The following BBS9 variants were observed in gnomAD, a reference collection of about 807,000 sequenced individuals.
BBS9 encodes Bardet-Biedl syndrome 9, also known as protein PTHB1.
A neutral mutation model predicts 117.7 loss-of-function variants in BBS9; 89 were observed. The observed-to-expected ratio is 0.76, with a 90% confidence interval of 0.64 to 0.90. The LOEUF is 0.90. BBS9 is among the 40% of genes least tolerant of loss of function. BBS9 has a pLI of 0.00. For synonymous variants in BBS9, 379 were observed against 370.9 expected, an observed-to-expected ratio of 1.02 and a Z score of -0.25; for missense variants, 982 against 1,042.2, an observed-to-expected ratio of 0.94 and a Z score of 0.80.
chr7:33,252,661 A>C (rs1796396331), intron 5 of BBS9, among the ~76,000 whole-genome samples: 1 of 152,022 alleles, frequency 6.6e-6, no homozygotes. Flanking sequence ...TGAAATGAAC[A>C]CAAATTTTAT....
chr7:33,239,155 C>T (rs1794042614), intron 5 of BBS9, among the ~76,000 whole-genome samples: 1 of 151,954 alleles, frequency 6.6e-6, no homozygotes, highest in African/African-American at 2.4e-5. Context: ...TTTAAAAGTT[C>T]CTAATCTTCA....
At chr7:33,322,196 T>G (rs1004084555) in intron 9 of BBS9, among the ~76,000 whole-genome samples, 3 of 151,998 alleles carry the variant, frequency 2.0e-5, no homozygotes, top group Admixed American at 2.0e-4. Flanking sequence ...TTTTGATGTG[T>G]TTTTGCTTTA....
At chr7:33,409,223 C>T (rs777404561) in intron 19 of BBS9, among the ~76,000 whole-genome samples, 12 of 152,168 alleles carry the variant, frequency 7.9e-5, no homozygotes, top group East Asian at 1.9e-4. Flanking sequence ...GGCATAAATT[C>T]GTTGCCACAG....
chr7:33,150,466 G>A (rs1379748302), intron 2 of BBS9, among the ~76,000 whole-genome samples: 1 of 152,174 alleles, frequency 6.6e-6, no homozygotes, highest in Non-Finnish European at 1.5e-5. Flanking sequence ...TTGATTAATT[G>A]TTCTGTTACA....
chr7:33,521,824 C>T (rs1462704432), intron 20 of BBS9, among the ~76,000 whole-genome samples: 1 of 151,284 alleles, frequency 6.6e-6, no homozygotes, highest in African/African-American at 2.4e-5. Flanking sequence ...TATACATGTG[C>T]CATGCTGGTG....
At chr7:33,403,977 GT>G (rs1456759838) in intron 19 of BBS9, among the ~76,000 whole-genome samples, 2 of 152,148 alleles carry the variant, frequency 1.3e-5, no homozygotes, top group African/African-American at 4.8e-5. Context: ...TCCAGCACCT[GT>G]TGTTTCCTGA....
At position 33,605,564 on chromosome 7, in the gene BBS9, C is replaced by A. The variant is rs1864474328; in HGVS notation, c.*338C>A. 1 of 322,680 alleles carries A rather than the reference C, an allele frequency of 3.1e-6. No individual in the cohort carries two copies. Among genetic ancestry groups the A allele is most frequent in the Non-Finnish European group, 5.8e-6 (1 of 171,868 alleles). 20.0% of individuals were successfully genotyped at this position (322,680 alleles called of 1,614,324 possible). A position where few individuals can be genotyped will look rare whatever the true frequency, so the allele number is the denominator to read the frequency against. On this transcript the variant is annotated 3_prime_UTR_variant, in exon 23 of 23. Transcript: ENST00000242067. ...ATTCAGATCCAAAATAATTTCATAC[C>A]CCATTTTTTCACAGAATTCTTATAT...
Position 33,534,052 on chromosome 7 carries a change from G to T in BBS9, c.2397G>T (p.Leu799=), listed in dbSNP as rs762435424. The change falls in exon 21 of 23, where the codon CTG becomes CTT. Residue 799 remains leucine (L), a synonymous_variant. Coordinates refer to ENST00000242067, the MANE Select transcript of BBS9 (RefSeq NM_198428.3). ...AGGCTTTGAACCTCAACAGCCAGCT[G>T]AACATACCCAAAGACACAAGCCAAC... is the stretch of plus-strand genomic sequence containing the variant. The part of the protein sequence containing the change: ...KEQALNLNSQ[L]NIPKDTSQLK... 1 of 1,614,184 alleles carries T rather than the reference G, an allele frequency of 6.2e-7. No homozygotes were observed.
At chr7:33,386,375 T>G (rs894750012) in intron 18 of BBS9, among the ~76,000 whole-genome samples, 2 of 152,086 alleles carry the variant, frequency 1.3e-5, no homozygotes, top group African/African-American at 4.8e-5. Context: ...ATTACTGTTT[T>G]GTAAAGTTGA....
intron 20 of BBS9, among the ~76,000 whole-genome samples, chr7:33,518,671 A>G (rs1416453758): frequency 6.6e-6 from 1 of 152,224 alleles, no homozygotes; most frequent in Non-Finnish European, 1.5e-5. Flanking sequence ...TTGGCTCTAA[A>G]TAAATATTTT....
At chr7:33,311,491 T>C (rs1293260054) in intron 9 of BBS9, among the ~76,000 whole-genome samples, 5 of 152,208 alleles carry the variant, frequency 3.3e-5, no homozygotes, top group East Asian at 1.9e-4. Flanking sequence ...TTGTGACTTA[T>C]CTCTCACTCT....
intron 5 of BBS9, among the ~76,000 whole-genome samples, chr7:33,216,537 T>C (rs957568184): frequency 6.6e-6 from 1 of 152,226 alleles, no homozygotes; most frequent in African/African-American, 2.4e-5. Flanking sequence ...AAACATTTCC[T>C]GATCTTTTAA....
Position 33,218,764 on chromosome 7 carries a change from T to C in BBS9, c.443-38472T>C, listed in dbSNP as rs565474086. 1.7e-3 allele frequency among the ~76,000 whole-genome samples: 265 copies of C among 152,392 alleles called. 1 individual carries two copies. The highest frequency in any genetic ancestry group is 6.1e-3 in the African/African-American group (252 of 41,598). On this transcript the variant is annotated intron_variant, in intron 5 of 22. Transcript: ENST00000242067. ...TTGTGTTGGTGATTGACACATCTTA[T>C]GTAATCAACTGTTATCAGTTGAAGG...
intron 12 of BBS9, among the ~76,000 whole-genome samples, chr7:33,347,450 T>C (rs1273882855): frequency 6.6e-6 from 1 of 152,016 alleles, no homozygotes; most frequent in Non-Finnish European, 1.5e-5. Context: ...ATGTTTACAA[T>C]GGCCAGACAT....
At chr7:33,510,950 A>G (rs778877226) in intron 20 of BBS9, among the ~76,000 whole-genome samples, 3 of 152,214 alleles carry the variant, frequency 2.0e-5, no homozygotes, top group Non-Finnish European at 4.4e-5. Context: ...CCTATTTGTG[A>G]TATCCTAGGT....
intron 21 of BBS9, among the ~76,000 whole-genome samples, chr7:33,539,236 G>A (rs991186): frequency 0.46 from 70,284 of 152,042 alleles, 16,881 homozygotes; most frequent in South Asian, 0.57. Context: ...AGAGACCACA[G>A]GTAGGTGGGA....
intron 4 of BBS9, among the ~76,000 whole-genome samples, chr7:33,166,932 T>C (rs1379882417): frequency 6.6e-6 from 1 of 152,164 alleles, no homozygotes. Flanking sequence ...GGTAGCTCAG[T>C]TGGAAATGCA....
chr7:33,600,875 C>G (rs1296191120), intron 21 of BBS9, among the ~76,000 whole-genome samples: 1 of 152,178 alleles, frequency 6.6e-6, no homozygotes, highest in Non-Finnish European at 1.5e-5. Context: ...CCGGCTGCCT[C>G]TTACTCTCTC....
intron 3 of BBS9, among the ~76,000 whole-genome samples, chr7:33,154,504 C>T (rs915600082): frequency 2.0e-5 from 3 of 152,118 alleles, no homozygotes; most frequent in South Asian, 2.1e-4. Flanking sequence ...TCACTCTCGT[C>T]GCCCAGACTG....
Sources: gnomAD v4.1 joint callset for allele counts (sites outside exome capture counted in the v4.1 genomes callset) on GRCh38, gnomAD v4.1.1 for gene constraint, MANE v1.5 for transcripts, NCBI Gene and HGNC (gene_info 2026-07-23, HGNC 2026-07-21) for gene names.